Variants in TBX19 observed in about 807,000 individuals in gnomAD.
The protein encoded by TBX19 is T-box transcription factor TBX19.
A neutral mutation model predicts 40.9 loss-of-function variants in TBX19; 33 were observed. The observed-to-expected ratio is 0.81, with a 90% CI of 0.61 to 1.08. The LOEUF (loss-of-function observed/expected upper bound fraction) is 1.08. Ranked by LOEUF, TBX19 falls within the 50% of genes least tolerant of loss-of-function variation. TBX19 has a pLI of 0.00. For synonymous variants in TBX19, 220 were observed against 225.0 expected, an observed-to-expected ratio of 0.98 and a Z score of 0.20; for missense variants, 494 against 574.0, an observed-to-expected ratio of 0.86 and a Z score of 1.42.
Position 168,312,908 on chromosome 1 carries a change from T to C in TBX19, c.1253T>C (p.Val418Ala), listed in dbSNP as rs760623504. Residue 418 changes from valine to alanine, a missense_variant, in exon 8 of 8, where the codon GTG becomes GCG. This residue lies in a region of TBX19 where 284 missense variants were observed against 307.3 expected (regional missense o/e 0.92). Transcript: ENST00000367821. ...GAGCCCTCGCTAACCAGCATTGCTG[T>C]GTCCACCTGGACAGCAGTGGCCTCG... ...LGEPSLTSIA[V>A]STWTAVASHP... 1 of 1,614,240 alleles carries C rather than the reference T, an allele frequency of 6.2e-7. No individual in the cohort carries two copies.
chr1:168,295,680 C>T (rs773556636), intron 3 of TBX19, among the ~76,000 whole-genome samples: 2 of 152,170 alleles, frequency 1.3e-5, no homozygotes, highest in African/African-American at 2.4e-5. Context: ...GCAGATAGCC[C>T]TCTCTCCCAG....
intron 6 of TBX19, among the ~76,000 whole-genome samples, chr1:168,307,388 G>A (rs150154753): frequency 1.3e-3 from 205 of 152,164 alleles, no homozygotes; most frequent in African/African-American, 4.9e-3. Context: ...ATGGATGGTG[G>A]GGGAAAGAGG....
chr1:168,291,528 G>T, intron 2 of TBX19, 104 bp downstream of exon 2: 3 of 1,515,652 alleles, frequency 2.0e-6, no homozygotes, highest in Non-Finnish European at 2.7e-6. Flanking sequence ...GTCCTCACCA[G>T]CCTCTTCTCC....
intron 3 of TBX19, among the ~76,000 whole-genome samples, chr1:168,293,933 T>G (rs930457851): frequency 2.6e-5 from 4 of 152,272 alleles, no homozygotes; most frequent in Non-Finnish European, 4.4e-5. Flanking sequence ...CAATATTTAT[T>G]TATTTAAAAA....
At chr1:168,283,973 A>C (rs905494168) in intron 1 of TBX19, among the ~76,000 whole-genome samples, 1 of 152,162 alleles carries the variant, frequency 6.6e-6, no homozygotes, top group Non-Finnish European at 1.5e-5. Context: ...TATAAATAGG[A>C]AGCTTGCCTC....
Position 168,291,368 on chromosome 1 carries a change from G to A in TBX19, c.412G>A (p.Ala138Thr). Residue 138 changes from alanine (A) to threonine (T), a missense_variant, in exon 2 of 8, where the codon GCT becomes ACT. By Grantham distance (58) the Ala-to-Thr change is moderately conservative. Transcript: ENST00000367821. ...SPNFGAHWMK[A>T]PISFSKVKLT... The stretch of plus-strand genomic sequence containing the variant: ...CAACTTTGGGGCCCACTGGATGAAA[G>A]CTCCCATCTCCTTCAGCAAAGTGAA... 6.2e-7 allele frequency: 1 copy of A among 1,614,222 alleles called. No homozygotes were observed. Among genetic ancestry groups the A allele is most frequent in the Non-Finnish European group, 8.5e-7 (1 of 1,180,042 alleles).
rs766896375 is a variant in TBX19 at position 168,305,200 on chromosome 1, T to C, written c.916+4T>C. 14 of 1,609,514 alleles carry C rather than the reference T, an allele frequency of 8.7e-6. No individual in the cohort carries two copies. The highest frequency in any genetic ancestry group is 1.2e-5 in the Non-Finnish European group (14 of 1,179,976). On this transcript the variant is annotated splice_donor_region_variant and intron_variant, in intron 6 of 7. Coordinates refer to ENST00000367821, the MANE Select transcript of TBX19 (RefSeq NM_005149.3). ...CACAGAAACCATTCTCCCTCAGGTC[T>C]GTGACTCTGCTGATTAAACCCTTGG...
At chr1:168,292,896 C>T (rs1648981084) in intron 2 of TBX19, among the ~76,000 whole-genome samples, 1 of 147,536 alleles carries the variant, frequency 6.8e-6, no homozygotes, top group African/African-American at 2.5e-5. Context: ...AAAGGAATAG[C>T]TCCTCTCTGA....
chr1:168,309,452 C>T (rs1287641560), intron 7 of TBX19, among the ~76,000 whole-genome samples: 2 of 152,102 alleles, frequency 1.3e-5, no homozygotes, highest in Admixed American at 1.3e-4. Flanking sequence ...GTCAGAAATA[C>T]TTTAAACTAT....
Position 168,291,710 on chromosome 1 carries a change from C to T in TBX19, c.468+286C>T, listed in dbSNP as rs139119654. On this transcript the variant is annotated intron_variant, in intron 2 of 7. Transcript: ENST00000367821. ...TCGTCTTGTGTGCTGTGCTTTTTAC[C>T]CAGCTCTAGGAGGGAGATGTTTGTG... is the stretch of plus-strand genomic sequence containing the variant. 1.4e-3 allele frequency among the ~76,000 whole-genome samples: 217 copies of T among 152,116 alleles called. 2 individuals carry two copies. The highest frequency in any genetic ancestry group is 3.4e-3 in the Middle Eastern group (1 of 290).
Position 168,281,363 on chromosome 1 carries a change from A to AAGAGGCTGCCGCTCTTCACTC in TBX19, c.203+77_203+97dup, listed in dbSNP as rs1648645142. The AAGAGGCTGCCGCTCTTCACTC allele has an allele frequency of 2.8e-6, 4 of 1,432,040 alleles. No homozygotes were observed. In the South Asian group the frequency reaches 4.6e-5, roughly 16 times the overall value. The allele number at this position is 1,432,040 out of a possible 1,614,324, so 88.7% of individuals were successfully genotyped here. On this transcript the variant is annotated intron_variant, in intron 1 of 7. Transcript: ENST00000367821. ...GAGAGATGAGACCCCTTGAATATTGAAGAGGCTGCCGCTCTTCACTCAGAG... is the reference window on the plus strand; with the variant it reads ...GAGAGATGAGACCCCTTGAATATTGAAGAGGCTGCCGCTCTTCACTCAGAGGCTGCCGCTCTTCACTCAGAG...
At chr1:168,305,503 A>G (rs1649385015) in intron 6 of TBX19, among the ~76,000 whole-genome samples, 1 of 152,162 alleles carries the variant, frequency 6.6e-6, no homozygotes, top group Admixed American at 6.5e-5. Context: ...AGATCTCTAA[A>G]AGCCATGTCA....
At chr1:168,308,942 C>A in intron 7 of TBX19, 65 bp downstream of exon 7, 1 of 1,608,338 alleles carries the variant, frequency 6.2e-7, no homozygotes, top group Non-Finnish European at 8.5e-7. Flanking sequence ...ACTGGGGACT[C>A]AAGTTCATTC....
chr1:168,284,016 T>C (rs1314292422), intron 1 of TBX19, among the ~76,000 whole-genome samples: 1 of 152,152 alleles, frequency 6.6e-6, no homozygotes, highest in Non-Finnish European at 1.5e-5. Context: ...AGAGAAAGGC[T>C]TTTCTCTGAA....
rs769885677 is a variant in TBX19 at position 168,305,144 on chromosome 1, C to T, written c.864C>T (p.His288=). The change falls in exon 6 of 8, where the codon CAC becomes CAT. Residue 288 remains histidine, a synonymous_variant. Coordinates refer to ENST00000367821, the MANE Select transcript of TBX19 (RefSeq NM_005149.3). The part of the protein sequence containing the change: ...GCEHYSGLRG[H]RQAPYPSAYM... ...AGCACTATTCGGGTCTCCGAGGACA[C>T]CGGCAGGCTCCCTACCCTTCTGCGT... 8 of 1,613,726 alleles carry T rather than the reference C, an allele frequency of 5.0e-6. No homozygotes were observed. The highest frequency in any genetic ancestry group is 2.7e-5 in the African/African-American group (2 of 74,892).
chr1:168,313,005 A>G lies in TBX19; in HGVS notation c.*3A>G. The G allele has an allele frequency of 1.2e-6, 2 of 1,614,028 alleles. No individual in the cohort carries two copies. The highest frequency in any genetic ancestry group is 1.7e-6 in the Non-Finnish European group (2 of 1,179,986). On this transcript the variant is annotated 3_prime_UTR_variant, in exon 8 of 8. Transcript: ENST00000367821. Reference sequence around the variant, plus strand: ...CTCCTTCCTCACTGGATGGTTAAGCAGGATCCTAGGAGCCTCTTTGCACAG... The same window carrying G: ...CTCCTTCCTCACTGGATGGTTAAGCGGGATCCTAGGAGCCTCTTTGCACAG...
chr1:168,305,922 C>CA (rs1649394323), intron 6 of TBX19, among the ~76,000 whole-genome samples: 1 of 152,176 alleles, frequency 6.6e-6, no homozygotes, highest in South Asian at 2.1e-4. Flanking sequence ...GACTATATGC[C>CA]AGGCTCTGTT....
intron 1 of TBX19, 136 bp downstream of exon 1, chr1:168,281,429 C>T (rs1490591395): frequency 3.8e-6 from 3 of 799,616 alleles, no homozygotes; most frequent in Non-Finnish European, 6.3e-6. Flanking sequence ...GAACGACTGT[C>T]TCCAATGGCT....
At chr1:168,295,387 A>T (rs1649080207) in intron 3 of TBX19, among the ~76,000 whole-genome samples, 1 of 152,226 alleles carries the variant, frequency 6.6e-6, no homozygotes, top group Admixed American at 6.5e-5. Context: ...CTGAGTCAGA[A>T]TCTCCAAGGA....
Sources: allele counts gnomAD v4.1 joint callset (sites outside exome capture counted in the v4.1 genomes callset), GRCh38; gene constraint gnomAD v4.1.1; regional missense constraint gnomAD v4.1.1; transcripts MANE v1.5; gene names NCBI Gene and HGNC (gene_info 2026-07-23, HGNC 2026-07-21).